CCDC33: variants seen among roughly 807,000 people sequenced by gnomAD.
The protein encoded by CCDC33 is coiled-coil domain-containing protein 33.
In CCDC33, 94 loss-of-function variants were observed where a neutral mutation model predicts 91.9. The ratio of observed to expected loss-of-function variants is 1.02; its 90% CI spans 0.87 to 1.21. The LOEUF (loss-of-function observed/expected upper bound fraction) is 1.21. Among genes scored for constraint, CCDC33 ranks in the 50% most tolerant of loss-of-function variants. The pLI is 0.00. For missense variants in CCDC33, 940 were observed against 935.5 expected (o/e 1.00, Z -0.06); for synonymous variants, 396 against 374.5 (o/e 1.06, Z -0.66).
intron 10 of CCDC33, among the ~76,000 whole-genome samples, chr15:74,285,799 C>T (rs2059461729): frequency 6.6e-6 from 1 of 152,182 alleles, no homozygotes. Flanking sequence ...ATTAAGATGG[C>T]TTGTGTGTGT....
Position 74,331,028 on chromosome 15 carries a change from G to C in CCDC33, c.1593G>C (p.Gln531His), listed in dbSNP as rs1325427740. 2.5e-6 allele frequency: 4 copies of C among 1,611,734 alleles called. No homozygotes were observed. The South Asian group carries it at 4.4e-5, about 18-fold the overall frequency. Residue 531 changes from glutamine to histidine, a missense_variant, in exon 14 of 19, where the codon CAG becomes CAC. Physicochemically the swap from Gln to His is conservative, Grantham distance 24. Transcript: ENST00000398814. ...TGCTCCTTCTGTATCAGGCCCAGCA[G>C]CCACAGGCCGCTCTGCTGAAGCAGT... ...KELLLLYQAQ[Q>H]PQAALLKQYQ...
At chr15:74,308,416 C>A (rs1057170822) in intron 11 of CCDC33, among the ~76,000 whole-genome samples, 6 of 148,356 alleles carry the variant, frequency 4.0e-5, no homozygotes, top group Middle Eastern at 3.4e-3. Context: ...ATCAAGTCCG[C>A]AGATAATAGA....
chr15:74,308,580 C>A (rs973431286), intron 11 of CCDC33, among the ~76,000 whole-genome samples: 1 of 152,092 alleles, frequency 6.6e-6, no homozygotes, highest in Non-Finnish European at 1.5e-5. Context: ...ATGTGGGCTG[C>A]GCCTTTAAAT....
intron 16 of CCDC33, 32 bp downstream of exon 16, chr15:74,332,877 C>T: frequency 6.2e-7 from 1 of 1,603,820 alleles, no homozygotes; most frequent in Non-Finnish European, 8.5e-7. Context: ...CCTGCCTATG[C>T]CGGTCACTGG....
In CCDC33 at chr15:74,332,710, C is replaced by T. The variant is rs1160950920; in HGVS notation, c.1803C>T (p.Pro601=). The stretch of plus-strand genomic sequence containing the variant: ...CTATGCTCTCAGCCTCTGGCCTTCC[C>T]TTGGGTTCTATGGGAGAGAACCTGC... ...GFPMLSASGL[P]LGSMGENLPV... is the part of the protein sequence containing the mutation. The change falls in exon 16 of 19, where the codon CCC becomes CCT. Residue 601 remains proline, a synonymous_variant. Coordinates refer to ENST00000398814, the MANE Select transcript of CCDC33 (RefSeq NM_025055.5). The T allele has an allele frequency of 2.5e-6, 4 of 1,614,204 alleles. No homozygotes were observed. The highest frequency in any genetic ancestry group is 3.4e-6 in the Non-Finnish European group (4 of 1,180,028).
chr15:74,271,842 C>T lies in CCDC33; in HGVS notation c.638+48C>T, dbSNP rs749082863. The T allele has an allele frequency of 2.0e-6, 3 of 1,506,734 alleles. No homozygotes were observed. The Admixed American group carries it at 5.1e-5, about 26-fold the overall frequency. The allele number at this position is 1,506,734 out of a possible 1,614,324, so 93.3% of individuals were successfully genotyped here. On this transcript the variant is annotated intron_variant, in intron 6 of 18. Transcript: ENST00000398814. ...TGGGTGAGGAGGGCAGAGCAGAGGG[C>T]AGAGGAGGGGGTGAGGCTGTCATTG...
At chr15:74,207,725 A>G (rs1429434815) in intron 1 of CCDC33, 3 of 1,535,634 alleles carry the variant, frequency 2.0e-6, no homozygotes, top group Non-Finnish European at 2.6e-6. Context: ...TTGAGAGTCC[A>G]TGAATAAGCA....
At chr15:74,268,708 C>T (rs768025099) in intron 5 of CCDC33, among the ~76,000 whole-genome samples, 22 of 152,296 alleles carry the variant, frequency 1.4e-4, no homozygotes, top group Non-Finnish European at 2.4e-4. Context: ...TTGGAGGTGG[C>T]GGGGAGGGGC....
chr15:74,243,637 C>G (rs77688424), intron 1 of CCDC33: 297 of 458,556 alleles, frequency 6.5e-4, no homozygotes, highest in African/African-American at 5.6e-3. Context: ...TAGAGGGTGG[C>G]AGTGAAGGGA....
intron 10 of CCDC33, among the ~76,000 whole-genome samples, chr15:74,284,201 G>A (rs141877525): frequency 6.6e-6 from 1 of 152,206 alleles, no homozygotes; most frequent in African/African-American, 2.4e-5. Flanking sequence ...TTGATGAGGA[G>A]TCACTGCATG....
At position 74,333,879 on chromosome 15, in the gene CCDC33, A is replaced by T; in HGVS notation, c.1939-2A>T. 6.2e-7 allele frequency: 1 copy of T among 1,612,720 alleles called. No homozygotes were observed. Among genetic ancestry groups the T allele is most frequent in the South Asian group, 1.1e-5 (1 of 91,000 alleles). On this transcript the variant is annotated splice_acceptor_variant, in intron 16 of 18. Transcript: ENST00000398814. LOFTEE classifies it high-confidence loss of function. ...AAATGTGAGTTTGTGCTTTGCCCAC[A>T]GGATCTCCTCTCTGGTACTTCAGAC...
At chr15:74,263,587 A>G (rs1028438331) in intron 3 of CCDC33, among the ~76,000 whole-genome samples, 1 of 152,186 alleles carries the variant, frequency 6.6e-6, no homozygotes, top group African/African-American at 2.4e-5. Flanking sequence ...CTGTAAAGGG[A>G]TAGGTGGAGC....
At chr15:74,318,648 A>T (rs2060144819) in intron 11 of CCDC33, 2 of 769,510 alleles carry the variant, frequency 2.6e-6, no homozygotes, top group Non-Finnish European at 4.8e-6. Context: ...GGCCTCATTG[A>T]CAGCTTCTCT....
At chr15:74,243,631 G>A (rs1453105440) in intron 1 of CCDC33, 9 of 457,870 alleles carry the variant, frequency 2.0e-5, no homozygotes, top group African/African-American at 6.0e-5. Context: ...TAGTGCTAGA[G>A]GGTGGCAGTG....
At chr15:74,335,671 C>G in intron 18 of CCDC33, 1 of 428,442 alleles carries the variant, frequency 2.3e-6, no homozygotes, top group Non-Finnish European at 4.2e-6. Context: ...GCAGCGGCTC[C>G]TGGGAAAGGC....
intron 10 of CCDC33, among the ~76,000 whole-genome samples, chr15:74,283,208 C>T (rs2059402462): frequency 6.6e-6 from 1 of 152,168 alleles, no homozygotes; most frequent in South Asian, 2.1e-4. Context: ...GAAAGAGGCA[C>T]CAGAATCTTG....
At chr15:74,207,787 T>C in intron 1 of CCDC33, 1 of 1,535,676 alleles carries the variant, frequency 6.5e-7, no homozygotes, top group Non-Finnish European at 8.7e-7. Flanking sequence ...GTGCCCTCAG[T>C]GGCACAGCAC....
At chr15:74,248,477 A>AT (rs2075605979) in intron 2 of CCDC33, among the ~76,000 whole-genome samples, 1 of 152,172 alleles carries the variant, frequency 6.6e-6, no homozygotes, top group Middle Eastern at 3.4e-3. Context: ...ATATCCTGGG[A>AT]ATCCCTGTCT....
rs551125977 is a variant in CCDC33, at chr15:74,254,155, C to T, written c.186-8285C>T. ...TCAAGAGACTCTCCTGCCTCAACCT[C>T]TTGAGTAGCTGGGATTACAGGCGCG... On this transcript the variant is annotated intron_variant, in intron 2 of 18. Coordinates refer to ENST00000398814, the MANE Select transcript of CCDC33 (RefSeq NM_025055.5). Among the ~76,000 whole-genome samples, 594 of 152,244 alleles carry T rather than the reference C, an allele frequency of 3.9e-3. 3 individuals are homozygous for T. Among genetic ancestry groups the T allele is most frequent in the Non-Finnish European group, 4.4e-3 (299 of 68,024 alleles).
Sources: allele counts gnomAD v4.1 joint callset (sites outside exome capture counted in the v4.1 genomes callset), GRCh38; gene constraint gnomAD v4.1.1; transcripts MANE v1.5; gene names NCBI Gene and HGNC (gene_info 2026-07-23, HGNC 2026-07-21).